Variants in HYCC1 observed in about 807,000 individuals in gnomAD.
HYCC1 encodes hyccin PI4KA lipid kinase complex subunit 1.
the HYCC1 span, chr7:22,941,877 C>G: frequency 1.3e-5 from 2 of 152,062 alleles, no homozygotes; most frequent in Non-Finnish European, 2.9e-5. Flanking sequence ...ACTGGGAGGA[C>G]ACTATTATAC....
the HYCC1 span, chr7:22,937,129 G>A: frequency 6.6e-6 from 1 of 152,186 alleles, no homozygotes; most frequent in African/African-American, 2.4e-5. Flanking sequence ...CAAGGGATTT[G>A]GAGGTGAAAA....
At chr7:22,967,118 G>C in the HYCC1 span, among the ~76,000 whole-genome samples, 2 of 152,144 alleles carry the variant, frequency 1.3e-5, no homozygotes, top group Non-Finnish European at 2.9e-5. Flanking sequence ...ATTTATTAAA[G>C]ATTGATACTG....
chr7:22,998,936 G>T, the HYCC1 span, among the ~76,000 whole-genome samples: 1 of 152,102 alleles, frequency 6.6e-6, no homozygotes, highest in Admixed American at 6.6e-5. Flanking sequence ...CAGGCTCCAT[G>T]TCTTTGCCTA....
chr7:22,924,201 G>A, the HYCC1 span, among the ~76,000 whole-genome samples: 7 of 150,808 alleles, frequency 4.6e-5, no homozygotes, highest in Non-Finnish European at 8.9e-5. Context: ...AAAAAGGGGG[G>A]TGGAGCCAAG....
At chr7:22,948,589 TTAAGA>T in the HYCC1 span, among the ~76,000 whole-genome samples, 1 of 151,994 alleles carries the variant, frequency 6.6e-6, no homozygotes, top group African/African-American at 2.4e-5. Context: ...TTTTAAAAAC[TTAAGA>T]TAAAAGTTGT....
chr7:22,994,391 G>A, the HYCC1 span, among the ~76,000 whole-genome samples: 3 of 152,156 alleles, frequency 2.0e-5, no homozygotes, highest in African/African-American at 7.2e-5. Context: ...TGTGTTAGAA[G>A]TTGGGATAGT....
chr7:22,945,920 C>T, the HYCC1 span: 5 of 1,613,888 alleles, frequency 3.1e-6, no homozygotes, highest in Non-Finnish European at 4.2e-6. Context: ...ACTTTGGGCT[C>T]TCTGAGTTTG....
the HYCC1 span, among the ~76,000 whole-genome samples, chr7:23,013,131 A>C: frequency 6.6e-6 from 1 of 152,260 alleles, no homozygotes; most frequent in Admixed American, 6.5e-5. Flanking sequence ...GCTGACGGGC[A>C]GACAGCAAAT....
chr7:23,002,792 A>G, the HYCC1 span, among the ~76,000 whole-genome samples: 1 of 152,268 alleles, frequency 6.6e-6, no homozygotes, highest in South Asian at 2.1e-4. Context: ...AGTACCACAG[A>G]CTGGGTGGCT....
At chr7:22,920,269 T>G in the HYCC1 span, among the ~76,000 whole-genome samples, 76,012 of 151,974 alleles carry the variant, frequency 0.5, 19,130 homozygotes, top group East Asian at 0.6. Context: ...ATCTCTTCAA[T>G]GCTGCAGTGA....
the HYCC1 span, chr7:22,991,178 T>C: frequency 5.3e-6 from 7 of 1,332,824 alleles, no homozygotes; most frequent in Non-Finnish European, 7.5e-6. Flanking sequence ...GTTTTGAATA[T>C]ATTTTATTTA....
chr7:22,978,907 C>T, the HYCC1 span, among the ~76,000 whole-genome samples: 1 of 152,106 alleles, frequency 6.6e-6, no homozygotes, highest in African/African-American at 2.4e-5. Context: ...TCAACATTAT[C>T]CAGTTAATAG....
the HYCC1 span, among the ~76,000 whole-genome samples, chr7:22,997,052 T>C: frequency 6.6e-6 from 1 of 152,212 alleles, no homozygotes; most frequent in Non-Finnish European, 1.5e-5. Context: ...GGAGTCTATG[T>C]AGTATTTCAC....
the HYCC1 span, among the ~76,000 whole-genome samples, chr7:22,992,806 T>C: frequency 6.6e-6 from 1 of 152,046 alleles, no homozygotes; most frequent in South Asian, 2.1e-4. Context: ...TACATAGAAA[T>C]GGGGAGGTAA....
the HYCC1 span, among the ~76,000 whole-genome samples, chr7:22,996,873 A>G: frequency 4.6e-5 from 7 of 152,184 alleles, no homozygotes; most frequent in Non-Finnish European, 8.8e-5. Context: ...AAATCTAATT[A>G]GACATCTCTA....
the HYCC1 span, chr7:22,934,505 C>T: frequency 1.3e-5 from 2 of 152,172 alleles, no homozygotes; most frequent in African/African-American, 4.8e-5. Context: ...AATGTCTGCT[C>T]ACTTCTCTGG....
chr7:22,947,134 G>C, the HYCC1 span: 2 of 1,550,384 alleles, frequency 1.3e-6, no homozygotes, highest in South Asian at 1.2e-5. Context: ...ATCTCTCCTA[G>C]TGTTCTGCCT....
the HYCC1 span, among the ~76,000 whole-genome samples, chr7:23,001,679 T>C: frequency 2.0e-5 from 3 of 152,208 alleles, no homozygotes; most frequent in African/African-American, 7.2e-5. Flanking sequence ...AGCATGTGGT[T>C]GCAGTATTTT....
chr7:22,935,249 CTG>C, the HYCC1 span: 1 of 152,126 alleles, frequency 6.6e-6, no homozygotes, highest in Non-Finnish European at 1.5e-5. Context: ...CTTGTGAAGA[CTG>C]TATTTGAAAA....
Sources: allele counts gnomAD v4.1 joint callset (sites outside exome capture counted in the v4.1 genomes callset), GRCh38; gene constraint gnomAD v4.1.1; transcripts MANE v1.5; gene names NCBI Gene and HGNC (gene_info 2026-07-23, HGNC 2026-07-21).